The following PITPNM2 variants were observed in gnomAD, a reference collection of about 807,000 sequenced individuals.
PITPNM2 encodes membrane-associated phosphatidylinositol transfer protein 2.
PITPNM2 carries 35 observed loss-of-function variants against 132.2 expected under a neutral mutation model. That is an observed-to-expected ratio of 0.26 (90% CI 0.20 to 0.35). The LOEUF (loss-of-function observed/expected upper bound fraction) is 0.35. Ranked by LOEUF, PITPNM2 falls within the 10% of genes least tolerant of loss-of-function variation. PITPNM2 has a pLI of 1.00. For synonymous variants in PITPNM2, 738 were observed against 799.2 expected (o/e 0.92, Z 1.29); for missense variants, 1,332 against 1,912.0 (o/e 0.70, Z 5.66).
At chr12:123,134,221 G>A (rs1001105003) in intron 1 of PITPNM2, among the ~76,000 whole-genome samples, 5 of 151,962 alleles carry the variant, frequency 3.3e-5, no homozygotes, top group South Asian at 2.1e-4. Flanking sequence ...GTGCCACCAC[G>A]CCCACCTAAT....
At chr12:123,107,613 CA>C (rs1449261507) in intron 2 of PITPNM2, among the ~76,000 whole-genome samples, 1 of 152,192 alleles carries the variant, frequency 6.6e-6, no homozygotes, top group Non-Finnish European at 1.5e-5. Context: ...TAGCGAACCC[CA>C]GGGAGTGTGG....
intron 1 of PITPNM2, among the ~76,000 whole-genome samples, chr12:123,128,245 T>G (rs2043187731): frequency 1.0e-5 from 1 of 99,626 alleles, no homozygotes; most frequent in Admixed American, 1.6e-4. Flanking sequence ...CTAGTAAACA[T>G]GGCGAAACCC....
rs954979937 is a variant in PITPNM2, at chr12:122,984,305, A to G, written c.*1722T>C. On this transcript the variant is annotated 3_prime_UTR_variant, in exon 26 of 26. Transcript: ENST00000320201. Reference sequence around the variant, plus strand: ...AGGCAAGACAGGATAAGGTGGGGCCAAGAGAGGAGGAGGCACTGGCCACAG... The same window carrying G: ...AGGCAAGACAGGATAAGGTGGGGCCGAGAGAGGAGGAGGCACTGGCCACAG... The G allele has an allele frequency of 6.6e-6, 1 of 152,656 alleles. No individual in the cohort carries two copies. The highest frequency in any genetic ancestry group is 2.4e-5 in the African/African-American group (1 of 41,460). The allele number at this position is 152,656 out of a possible 1,614,324, so 9.5% of individuals were successfully genotyped here. A position where few individuals can be genotyped will look rare whatever the true frequency, so the allele number is the denominator to read the frequency against.
intron 1 of PITPNM2, among the ~76,000 whole-genome samples, chr12:123,133,227 C>T (rs557663485): frequency 1.3e-5 from 2 of 152,320 alleles, no homozygotes; most frequent in South Asian, 2.1e-4. Context: ...ACTTGCCAAA[C>T]CTGAAATTTT....
intron 4 of PITPNM2, among the ~76,000 whole-genome samples, chr12:123,013,164 C>A (rs528746728): frequency 1.4e-4 from 22 of 152,274 alleles, no homozygotes; most frequent in Admixed American, 7.2e-4. Flanking sequence ...GGGGAAAGTA[C>A]TACTGGGAAG....
chr12:123,131,911 A>T (rs2043271024), intron 1 of PITPNM2, among the ~76,000 whole-genome samples: 1 of 152,196 alleles, frequency 6.6e-6, no homozygotes, highest in Non-Finnish European at 1.5e-5. Context: ...GACCAACCAG[A>T]GGCAGGAAGG....
intron 1 of PITPNM2, among the ~76,000 whole-genome samples, chr12:123,138,242 T>C (rs2043425344): frequency 6.6e-6 from 1 of 151,192 alleles, no homozygotes; most frequent in African/African-American, 2.4e-5. Flanking sequence ...AGCTCAGGAG[T>C]TCAAGACCAG....
At chr12:123,034,314 T>C (rs951654449) in intron 3 of PITPNM2, 199 bp downstream of exon 3, 4 of 543,166 alleles carry the variant, frequency 7.4e-6, no homozygotes, top group African/African-American at 5.6e-5. Flanking sequence ...AGCAATCTGA[T>C]GCCGTGCGCC....
chr12:123,148,890 G>A (rs1226927431), intron 1 of PITPNM2, among the ~76,000 whole-genome samples: 2 of 152,138 alleles, frequency 1.3e-5, no homozygotes. Context: ...GGCCAAGACT[G>A]GGTCTCAACC....
chr12:123,039,554 T>A (rs904740439), intron 2 of PITPNM2, among the ~76,000 whole-genome samples: 1 of 152,132 alleles, frequency 6.6e-6, no homozygotes, highest in African/African-American at 2.4e-5. Flanking sequence ...GAAAAATTAG[T>A]GAGAGATGAA....
chr12:123,018,747 C>T (rs936264525), intron 3 of PITPNM2, among the ~76,000 whole-genome samples: 2 of 142,500 alleles, frequency 1.4e-5, no homozygotes, highest in South Asian at 2.2e-4. Context: ...GTTCCTTTTT[C>T]TTTTTCTTTT....
intron 3 of PITPNM2, among the ~76,000 whole-genome samples, chr12:123,015,065 G>C (rs995183934): frequency 1.2e-4 from 19 of 152,330 alleles, no homozygotes; most frequent in African/African-American, 4.6e-4. Context: ...GACATCCCGT[G>C]TTGATGGATT....
At chr12:123,068,119 G>T (rs568720066) in intron 2 of PITPNM2, among the ~76,000 whole-genome samples, 1 of 152,264 alleles carries the variant, frequency 6.6e-6, no homozygotes, top group South Asian at 2.1e-4. Flanking sequence ...CATGGTACCT[G>T]AACAGCTTTT....
intron 1 of PITPNM2, among the ~76,000 whole-genome samples, chr12:123,123,637 T>C (rs1230140727): frequency 6.6e-6 from 1 of 151,620 alleles, no homozygotes; most frequent in Non-Finnish European, 1.5e-5. Flanking sequence ...AAAAATTAAA[T>C]TAAATTAAAT....
intron 1 of PITPNM2, among the ~76,000 whole-genome samples, chr12:123,137,171 G>A (rs771013573): frequency 2.7e-4 from 41 of 152,108 alleles, no homozygotes; most frequent in Admixed American, 3.3e-4. Context: ...CCAAAGAGGC[G>A]GACCAAGGGG....
rs1030393078 is a variant in PITPNM2, at chr12:123,000,350, C to T, written c.1224+428G>A. Reference sequence around the variant, plus strand: ...GACACACTGAGCTCCGCCTGCCTCCCGCGGGGCCATCTTGTCGGCCACGGC... The same window carrying T: ...GACACACTGAGCTCCGCCTGCCTCCTGCGGGGCCATCTTGTCGGCCACGGC... On this transcript the variant is annotated intron_variant, in intron 10 of 25. Coordinates refer to ENST00000320201, the MANE Select transcript of PITPNM2 (RefSeq NM_020845.3). The surrounding 1 kb of genome is among the most constrained non-coding windows in gnomAD (Gnocchi z 5.4). 1.1e-5 allele frequency: 8 copies of T among 698,176 alleles called. No individual in the cohort carries two copies. The highest frequency in any genetic ancestry group is 5.9e-5 in the South Asian group (4 of 67,324). The allele number at this position is 698,176 out of a possible 1,614,324, so 43.2% of individuals were successfully genotyped here. A position where few individuals can be genotyped will look rare whatever the true frequency, so the allele number is the denominator to read the frequency against.
intron 2 of PITPNM2, among the ~76,000 whole-genome samples, chr12:123,059,058 T>C (rs2041139509): frequency 6.6e-6 from 1 of 152,040 alleles, no homozygotes; most frequent in South Asian, 2.1e-4. Context: ...TCTCCATAAG[T>C]ACTTAGGAGA....
At chr12:123,069,570 C>T (rs367584869) in intron 2 of PITPNM2, among the ~76,000 whole-genome samples, 1 of 152,314 alleles carries the variant, frequency 6.6e-6, no homozygotes, top group Non-Finnish European at 1.5e-5. Flanking sequence ...AGCCCTTCCC[C>T]CAGGTGAAGC....
Position 123,023,256 on chromosome 12 carries a change from C to CTCAGTGTGTCAG in PITPNM2, c.79-9215_79-9214insCTGACACACTGA, listed in dbSNP as rs2039738966. 6.6e-6 allele frequency among the ~76,000 whole-genome samples: 1 copy of CTCAGTGTGTCAG among 152,218 alleles called. No individual in the cohort carries two copies. Among genetic ancestry groups the CTCAGTGTGTCAG allele is most frequent in the Admixed American group, 6.5e-5 (1 of 15,284 alleles). On this transcript the variant is annotated intron_variant, in intron 3 of 25. Coordinates refer to ENST00000320201, the MANE Select transcript of PITPNM2 (RefSeq NM_020845.3). This position sits in a 1 kb window ranked among gnomAD's most constrained non-coding sequence, Gnocchi z 4.8. ...GCTCCCTGTGAGGGGCTCACTGAAGCTGCCACTCAGAATGTCAGTGCGCAG... is the reference window on the plus strand; with the variant it reads ...GCTCCCTGTGAGGGGCTCACTGAAGCTCAGTGTGTCAGTGCCACTCAGAATGTCAGTGCGCAG...
Sources: gnomAD v4.1 joint callset for allele counts (sites outside exome capture counted in the v4.1 genomes callset) on GRCh38, gnomAD v4.1.1 for gene constraint, Gnocchi (gnomAD v3.1) non-coding constraint, MANE v1.5 for transcripts, NCBI Gene and HGNC (gene_info 2026-07-23, HGNC 2026-07-21) for gene names.